MTMR7: variants seen among roughly 807,000 people sequenced by gnomAD.
MTMR7 encodes the protein phosphatidylinositol-3-phosphate phosphatase MTMR7.
Under a neutral mutation model 81.2 loss-of-function variants are expected in MTMR7, and 76 were observed. The ratio of observed to expected loss-of-function variants is 0.94; its 90% CI spans 0.78 to 1.13. The LOEUF (loss-of-function observed/expected upper bound fraction) is 1.13, where lower values mean the gene tolerates loss of function less well. Ranked by LOEUF, MTMR7 falls within the 50% of genes most tolerant of loss-of-function variation. MTMR7 has a pLI of 0.00. For missense variants in MTMR7, 1,044 were observed against 820.0 expected (o/e 1.27, Z -3.34); for synonymous variants, 372 against 289.8 (o/e 1.28, Z -2.88).
intron 1 of MTMR7, among the ~76,000 whole-genome samples, chr8:17,392,750 T>G (rs117226131): frequency 6.6e-6 from 1 of 152,204 alleles, no homozygotes; most frequent in African/African-American, 2.4e-5. Flanking sequence ...GCAGAGTTCC[T>G]CCAGAGGAAA....
In MTMR7 at chr8:17,335,225, C is replaced by T. The variant is rs143862980; in HGVS notation, c.733-3943G>A. On this transcript the variant is annotated intron_variant, in intron 6 of 13. Transcript: ENST00000180173. ...GGAGGGACGGAGAACGCAGGCTCCA[C>T]GAGGGGCCCTGAGTGTCTCATTGAT... Among the ~76,000 whole-genome samples the T allele has an allele frequency of 1.8e-3, 271 of 152,222 alleles. 1 individual carries two copies. The highest frequency in any genetic ancestry group is 6.1e-3 in the African/African-American group (255 of 41,526).
intron 10 of MTMR7, 105 bp downstream of exon 10, chr8:17,309,172 C>A: frequency 1.3e-6 from 1 of 766,212 alleles, no homozygotes. Flanking sequence ...GAATAAGAGA[C>A]ACAAACTCAA....
chr8:17,367,684 T>C (rs1820270968), intron 3 of MTMR7, among the ~76,000 whole-genome samples: 1 of 152,210 alleles, frequency 6.6e-6, no homozygotes, highest in East Asian at 1.9e-4. Flanking sequence ...CCTAACTCAG[T>C]AAAGAGATAA....
chr8:17,360,077 T>A (rs1244859567), intron 4 of MTMR7, among the ~76,000 whole-genome samples: 3 of 152,228 alleles, frequency 2.0e-5, no homozygotes, highest in Non-Finnish European at 4.4e-5. Flanking sequence ...TATTATTTGA[T>A]ACAGCCATAC....
chr8:17,402,887 T>C (rs1181694671), intron 1 of MTMR7, among the ~76,000 whole-genome samples: 1 of 152,250 alleles, frequency 6.6e-6, no homozygotes, highest in Non-Finnish European at 1.5e-5. Context: ...TTCCCTTTTC[T>C]TCTTATCCTT....
intron 1 of MTMR7, among the ~76,000 whole-genome samples, chr8:17,395,822 G>A (rs968387407): frequency 6.6e-6 from 1 of 152,108 alleles, no homozygotes; most frequent in Non-Finnish European, 1.5e-5. Flanking sequence ...ATATTTGTTT[G>A]CTTTTTTAAA....
At chr8:17,304,553 A>G (rs770386347) in intron 11 of MTMR7, 34 bp from the exon 12 acceptor site, 9 of 1,599,942 alleles carry the variant, frequency 5.6e-6, no homozygotes, top group Non-Finnish European at 6.8e-6. Flanking sequence ...TAAATGACCT[A>G]TTTTGGTGCT....
At chr8:17,376,009 C>T (rs528490961) in intron 1 of MTMR7, among the ~76,000 whole-genome samples, 22 of 152,238 alleles carry the variant, frequency 1.4e-4, no homozygotes, top group South Asian at 8.3e-4. Flanking sequence ...CAAACATTAA[C>T]GCACTATTTT....
intron 3 of MTMR7, among the ~76,000 whole-genome samples, chr8:17,364,153 C>T (rs1201372358): frequency 6.6e-6 from 1 of 151,066 alleles, no homozygotes; most frequent in African/African-American, 2.4e-5. Flanking sequence ...CCTCAGCCTC[C>T]GGAGTAGCTG....
In MTMR7 at chr8:17,302,760, C is replaced by T. The variant is rs1164253239; in HGVS notation, c.1494-480G>A. On this transcript the variant is annotated intron_variant, in intron 12 of 13. Transcript: ENST00000180173. ...AGAGTTTCGCTCTTGTCACCCAAAC[C>T]GAAGTGCAGTGGTGTGATATCGGCT... Among the ~76,000 whole-genome samples the T allele has an allele frequency of 7.6e-5, 10 of 131,472 alleles. No homozygotes were observed. The Admixed American group carries it at 8.5e-4, about 11-fold the overall frequency. 86.3% of individuals were successfully genotyped at this position (131,472 alleles called of 152,430 possible). A position where few individuals can be genotyped will look rare whatever the true frequency, so the allele number is the denominator to read the frequency against.
Position 17,413,318 on chromosome 8 carries a change from G to A in MTMR7, c.-26C>T, listed in dbSNP as rs549637298. On this transcript the variant is annotated 5_prime_UTR_variant, in exon 1 of 14. Transcript: ENST00000180173. ...GGCTGGCCCACGTCTGCAGGGTCCC[G>A]GGCGGGCGCGGCCTCACGCACCTGC... 298 of 1,529,090 alleles carry A rather than the reference G, an allele frequency of 1.9e-4. 4 individuals are homozygous for A. The Admixed American group carries it at 6.0e-3, about 31-fold the overall frequency. The allele number at this position is 1,529,090 out of a possible 1,614,324, so 94.7% of individuals were successfully genotyped here.
chr8:17,302,756 A>G (rs1227936238), intron 12 of MTMR7, among the ~76,000 whole-genome samples: 2 of 112,364 alleles, frequency 1.8e-5, no homozygotes, highest in Non-Finnish European at 3.3e-5. Context: ...CTTGTCACCC[A>G]AACCGAAGTG....
At chr8:17,406,879 T>C (rs182808350) in intron 1 of MTMR7, among the ~76,000 whole-genome samples, 1 of 152,258 alleles carries the variant, frequency 6.6e-6, no homozygotes, top group Non-Finnish European at 1.5e-5. Flanking sequence ...ACATATTGTA[T>C]GATTAAATTT....
chr8:17,409,552 G>A (rs1821684575), intron 1 of MTMR7, among the ~76,000 whole-genome samples: 1 of 152,154 alleles, frequency 6.6e-6, no homozygotes, highest in Non-Finnish European at 1.5e-5. Flanking sequence ...TGCTTAGTTG[G>A]TCCCAAGCAC....
intron 1 of MTMR7, among the ~76,000 whole-genome samples, chr8:17,387,016 G>C (rs984397412): frequency 5.9e-5 from 9 of 152,084 alleles, no homozygotes; most frequent in African/African-American, 2.2e-4. Context: ...CAGAGCTACA[G>C]TATCTCCCCA....
At chr8:17,321,513 G>T (rs546567084) in intron 7 of MTMR7, among the ~76,000 whole-genome samples, 1 of 152,344 alleles carries the variant, frequency 6.6e-6, no homozygotes, top group Admixed American at 6.5e-5. Flanking sequence ...GAGTGGCAGT[G>T]TGAAAAGCAA....
intron 1 of MTMR7, among the ~76,000 whole-genome samples, chr8:17,376,995 A>G (rs1292746641): frequency 2.6e-5 from 4 of 151,548 alleles, no homozygotes; most frequent in African/African-American, 9.7e-5. Context: ...CACAGTCATT[A>G]TATATTGATA....
intron 12 of MTMR7, 131 bp from the exon 13 acceptor site, chr8:17,302,411 G>C (rs1353351602): frequency 1.0e-6 from 1 of 978,370 alleles, no homozygotes; most frequent in Non-Finnish European, 1.4e-6. Context: ...CCTCAAAAAA[G>C]CCACTACTTA....
intron 13 of MTMR7, among the ~76,000 whole-genome samples, chr8:17,301,010 C>T (rs1242045826): frequency 6.6e-6 from 1 of 152,186 alleles, no homozygotes; most frequent in African/African-American, 2.4e-5. Context: ...GATTTTGTTT[C>T]CCCATTCATC....
Sources: allele counts gnomAD v4.1 joint callset (sites outside exome capture counted in the v4.1 genomes callset), GRCh38; gene constraint gnomAD v4.1.1; transcripts MANE v1.5; gene names NCBI Gene and HGNC (gene_info 2026-07-23, HGNC 2026-07-21).